The following FBXW12 variants were observed in gnomAD, a reference collection of about 807,000 sequenced individuals.
The protein encoded by FBXW12 is F-box and WD repeat domain containing 12.
FBXW12 carries 43 observed loss-of-function variants against 55.3 expected under a neutral mutation model. The ratio of observed to expected loss-of-function variants is 0.78; its 90% CI spans 0.61 to 1.00. FBXW12 has a LOEUF of 1.00. Ranked by LOEUF, FBXW12 falls within the 50% of genes least tolerant of loss-of-function variation. The pLI is 0.00. For missense variants in FBXW12, 524 were observed against 560.5 expected (o/e 0.93, Z 0.66); for synonymous variants, 184 against 203.8 (o/e 0.90, Z 0.83).
At chr3:48,390,406 CTTTTTT>C (rs71625870) in intron 10 of FBXW12, among the ~76,000 whole-genome samples, 7 of 57,926 alleles carry the variant, frequency 1.2e-4, no homozygotes, top group East Asian at 6.6e-4. Context: ...AGGATTTCCT[CTTTTTT>C]TTTTTTTTTT....
chr3:48,393,848 G>A (rs1056230496), intron 10 of FBXW12, among the ~76,000 whole-genome samples: 4 of 147,958 alleles, frequency 2.7e-5, no homozygotes, highest in South Asian at 2.1e-4. Context: ...GCGCGATCTC[G>A]GCTCACTACA....
chr3:48,390,923 T>G (rs2036915684), intron 10 of FBXW12, among the ~76,000 whole-genome samples: 1 of 152,046 alleles, frequency 6.6e-6, no homozygotes, highest in African/African-American at 2.4e-5. Flanking sequence ...TTATTGAAGT[T>G]GGTTTCAGTT....
At chr3:48,373,768 A>AT (rs2036638848) in intron 4 of FBXW12, 63 bp downstream of exon 4, 1 of 1,476,682 alleles carries the variant, frequency 6.8e-7, no homozygotes, top group Non-Finnish European at 9.3e-7. Flanking sequence ...ACTCTATTTG[A>AT]TTTTTGCTGT....
At chr3:48,381,428 T>G (rs1362717539) in intron 8 of FBXW12, among the ~76,000 whole-genome samples, 1 of 152,098 alleles carries the variant, frequency 6.6e-6, no homozygotes, top group African/African-American at 2.4e-5. Context: ...CACATATAGA[T>G]TTCCATCATA....
In FBXW12 at chr3:48,381,809, C is replaced by G; in HGVS notation, c.1095C>G (p.Leu365=). Residue 365 remains leucine (L), a synonymous_variant, in exon 9 of 11, where the codon CTC becomes CTG. Coordinates refer to ENST00000296438, the MANE Select transcript of FBXW12 (RefSeq NM_207102.2). Reference sequence around the variant, plus strand: ...TTACCAGTGGACCATACTTGTTACTCTTCAGCATCACTGGCTTCCTGCTGC... The same window carrying G: ...TTACCAGTGGACCATACTTGTTACTGTTCAGCATCACTGGCTTCCTGCTGC... ...IVFTSGPYLL[L]FSITGFLLQR... 6.2e-7 allele frequency: 1 copy of G among 1,611,524 alleles called. No homozygotes were observed. The highest frequency in any genetic ancestry group is 8.5e-7 in the Non-Finnish European group (1 of 1,178,124).
At chr3:48,383,187 T>C (rs1348725507) in intron 10 of FBXW12, among the ~76,000 whole-genome samples, 3 of 152,220 alleles carry the variant, frequency 2.0e-5, no homozygotes, top group Non-Finnish European at 4.4e-5. Context: ...TGGTTTTTGC[T>C]CTGTATATCA....
At chr3:48,392,621 T>G (rs2036945675) in intron 10 of FBXW12, among the ~76,000 whole-genome samples, 1 of 152,140 alleles carries the variant, frequency 6.6e-6, no homozygotes, top group South Asian at 2.1e-4. Context: ...GTGTGCTTTA[T>G]TTGTTGTTTG....
intron 7 of FBXW12, 36 bp downstream of exon 7, chr3:48,379,594 G>A (rs2036736826): frequency 6.3e-7 from 1 of 1,596,060 alleles, no homozygotes; most frequent in African/African-American, 1.3e-5. Context: ...TTTCAGGATA[G>A]GAATGTCAAG....
At chr3:48,379,645 C>G in intron 7 of FBXW12, 87 bp downstream of exon 7, 1 of 1,076,148 alleles carries the variant, frequency 9.3e-7, no homozygotes, top group Non-Finnish European at 1.4e-6. Context: ...CAGTGAGGAC[C>G]AGGCACACTG....
Position 48,373,289 on chromosome 3 carries a change from C to G in FBXW12, c.91-19C>G. ...GATGTAACTGATTGCCTGCTTGTCT[C>G]TTCCTTTCTCTCCCATAGCATTGGA... On this transcript the variant is annotated intron_variant, in intron 2 of 10. Transcript: ENST00000296438. 4 of 1,614,160 alleles carry G rather than the reference C, an allele frequency of 2.5e-6. No homozygotes were observed. The highest frequency in any genetic ancestry group is 3.4e-6 in the Non-Finnish European group (4 of 1,180,020).
Position 48,375,307 on chromosome 3 carries a change from T to A in FBXW12, c.287-47T>A, listed in dbSNP as rs771835208. 3 of 1,094,204 alleles carry A rather than the reference T, an allele frequency of 2.7e-6. No individual in the cohort carries two copies. In the South Asian group the frequency reaches 3.8e-5, roughly 14 times the overall value. 67.8% of individuals were successfully genotyped at this position (1,094,204 alleles called of 1,614,324 possible). On this transcript the variant is annotated intron_variant, in intron 4 of 10. Coordinates refer to ENST00000296438, the MANE Select transcript of FBXW12 (RefSeq NM_207102.2). ...TTAAATTATCTTCTTTTGGTTTGGA[T>A]CATCCCTTAACTATCTGGTGGCCAA... is the stretch of plus-strand genomic sequence containing the variant.
chr3:48,376,131 G>A (rs529260706), intron 5 of FBXW12, among the ~76,000 whole-genome samples: 2 of 151,854 alleles, frequency 1.3e-5, no homozygotes, highest in East Asian at 1.9e-4. Flanking sequence ...ACAGGCGCGC[G>A]CCACGATGCC....
intron 3 of FBXW12, 31 bp downstream of exon 3, chr3:48,373,376 G>C: frequency 6.2e-7 from 1 of 1,614,158 alleles, no homozygotes; most frequent in Non-Finnish European, 8.5e-7. Context: ...AGGAGGGAAG[G>C]GGAGAGGAGA....
At chr3:48,393,912 G>A (rs1204952912) in intron 10 of FBXW12, among the ~76,000 whole-genome samples, 1 of 151,408 alleles carries the variant, frequency 6.6e-6, no homozygotes, top group Non-Finnish European at 1.5e-5. Context: ...CCGAGTAGCT[G>A]GGACTACAGG....
At chr3:48,381,351 G>A (rs1223232160) in intron 8 of FBXW12, among the ~76,000 whole-genome samples, 1 of 152,052 alleles carries the variant, frequency 6.6e-6, no homozygotes, top group Non-Finnish European at 1.5e-5. Context: ...AGCTGGGGGT[G>A]AACCCATCCC....
intron 10 of FBXW12, among the ~76,000 whole-genome samples, chr3:48,387,441 A>AT (rs36141575): frequency 0.56 from 81,573 of 145,276 alleles, 22,312 homozygotes; most frequent in East Asian, 0.68. Context: ...TTTGGTCTCT[A>AT]TTTTTTTTTT....
chr3:48,382,061 C>T lies in FBXW12; in HGVS notation c.1271C>T (p.Thr424Met), dbSNP rs763018465. The change falls in exon 10 of 11, where the codon ACG becomes ATG. Residue 424 changes from threonine to methionine, a missense_variant. Transcript: ENST00000296438. ...AGGAGCTGCTGTCACCTGGAAAACACGTGGCATGATCACACAACAGACAGG... is the reference window on the plus strand; with the variant it reads ...AGGAGCTGCTGTCACCTGGAAAACATGTGGCATGATCACACAACAGACAGG... ...YLRSCCHLEN[T>M]WHDHTTDSCI... 17 of 1,613,970 alleles carry T rather than the reference C, an allele frequency of 1.1e-5. No individual in the cohort carries two copies. Among genetic ancestry groups the T allele is most frequent in the South Asian group, 6.6e-5 (6 of 91,088 alleles).
rs903650618 is a variant in FBXW12 at position 48,379,443 on chromosome 3, G to T, written c.659G>T (p.Gly220Val). Residue 220 changes from glycine (G) to valine (V), a missense_variant, in exon 7 of 11, where the codon GGG becomes GTG. Gly to Val is a moderately radical substitution (Grantham distance 109). Coordinates refer to ENST00000296438, the MANE Select transcript of FBXW12 (RefSeq NM_207102.2). ...GACATCTACACATTTACACTGCCTGGGTTAAGAGATGTTTCTAAAGTTACT... is the reference window on the plus strand; with the variant it reads ...GACATCTACACATTTACACTGCCTGTGTTAAGAGATGTTTCTAAAGTTACT... ...AGDIYTFTLP[G>V]LRDVSKVTAF... 2 of 1,614,140 alleles carry T rather than the reference G, an allele frequency of 1.2e-6. No individual in the cohort carries two copies. Among genetic ancestry groups the T allele is most frequent in the Non-Finnish European group, 1.7e-6 (2 of 1,179,992 alleles).
chr3:48,391,877 G>A (rs933089185), intron 10 of FBXW12, among the ~76,000 whole-genome samples: 31 of 152,262 alleles, frequency 2.0e-4, no homozygotes, highest in African/African-American at 7.2e-4. Flanking sequence ...TTTGCTGTTG[G>A]ATTCAGTTTG....
Sources: gnomAD v4.1 joint callset for allele counts (sites outside exome capture counted in the v4.1 genomes callset) on GRCh38, gnomAD v4.1.1 for gene constraint, MANE v1.5 for transcripts, NCBI Gene and HGNC (gene_info 2026-07-23, HGNC 2026-07-21) for gene names.